Variants in ZFYVE9 observed in about 807,000 individuals in gnomAD.
ZFYVE9 encodes zinc finger FYVE domain-containing protein 9.
ZFYVE9 carries 43 observed loss-of-function variants against 126.7 expected under a neutral mutation model. The ratio of observed to expected loss-of-function variants is 0.34; its 90% confidence interval spans 0.27 to 0.44. ZFYVE9 has a LOEUF of 0.44. ZFYVE9 is among the 20% of genes least tolerant of loss of function. The pLI, the probability that ZFYVE9 is intolerant of heterozygous loss-of-function variation, is 1.00. For missense variants in ZFYVE9, 1,476 were observed against 1,697.0 expected (o/e 0.87, Z 2.29); for synonymous variants, 521 against 597.4 (o/e 0.87, Z 1.87).
chr1:52,211,703 A>G (rs1352407164), intron 1 of ZFYVE9, among the ~76,000 whole-genome samples: 1 of 152,208 alleles, frequency 6.6e-6, no homozygotes, highest in South Asian at 2.1e-4. Context: ...TAAGAGTTTG[A>G]TTACTGGTCA....
chr1:52,293,675 G>A lies in ZFYVE9; in HGVS notation c.3248G>A (p.Arg1083Gln), dbSNP rs375050885. Residue 1083 changes from arginine (R) to glutamine (Q), a missense_variant and splice_region_variant, in exon 11 of 19, where the codon CGA (arginine) becomes CAA (glutamine). Around this residue, in one of 2 missense-constraint regions of ZFYVE9, gnomAD observed 669 missense variants for 902.4 expected, o/e 0.74. Transcript: ENST00000287727. ...ATGTTGAGACTTGGAGCTGAATATC[G>A]ACGTAAGTAGTAAAAACACGTTTTT... ...RLMLRLGAEY[R>Q]LYPCPLFSVR... The A allele has an allele frequency of 1.4e-5, 23 of 1,613,132 alleles. No homozygotes were observed. Among genetic ancestry groups the A allele is most frequent in the Non-Finnish European group, 1.9e-5 (22 of 1,179,498 alleles).
chr1:52,281,896 T>A, intron 10 of ZFYVE9, 80 bp downstream of exon 10: 3 of 1,532,626 alleles, frequency 2.0e-6, no homozygotes, highest in Non-Finnish European at 2.7e-6. Context: ...ATAATAGTCT[T>A]AACTTTGGAC....
chr1:52,345,302 A>G (rs938353632), intron 18 of ZFYVE9, among the ~76,000 whole-genome samples: 1 of 152,082 alleles, frequency 6.6e-6, no homozygotes, highest in African/African-American at 2.4e-5. Context: ...GTCACTTGGA[A>G]CTTGGGTGTA....
chr1:52,246,533 G>T (rs1645385704), intron 4 of ZFYVE9, among the ~76,000 whole-genome samples: 2 of 138,564 alleles, frequency 1.4e-5, no homozygotes. Context: ...TTTTTTTCCT[G>T]GGTTTTTTTT....
chr1:52,309,940 G>A (rs1414564386), intron 13 of ZFYVE9, among the ~76,000 whole-genome samples: 1 of 152,122 alleles, frequency 6.6e-6, no homozygotes, highest in East Asian at 1.9e-4. Context: ...AAAGATCCTT[G>A]TTGGTTAAGG....
At chr1:52,321,284 T>C (rs1332697238) in intron 13 of ZFYVE9, among the ~76,000 whole-genome samples, 2 of 152,216 alleles carry the variant, frequency 1.3e-5, no homozygotes, top group African/African-American at 2.4e-5. Context: ...CAGATGGCGC[T>C]AAAATCTGTT....
chr1:52,337,873 G>C lies in ZFYVE9; in HGVS notation c.3772G>C (p.Glu1258Gln), dbSNP rs1190919131. ...CATCACCTGTGGGAAGGCGGACGCGGAGGAACCCCAGGAGCACATCCACAT... is the reference window on the plus strand; with the variant it reads ...CATCACCTGTGGGAAGGCGGACGCGCAGGAACCCCAGGAGCACATCCACAT... ...FTITCGKADAEEPQEHIHIQW... is the reference protein window; with the variant it reads ...FTITCGKADAQEPQEHIHIQW... The change falls in exon 16 of 19, where the codon GAG becomes CAG. Residue 1258 changes from glutamate to glutamine, a missense_variant. Coordinates refer to ENST00000287727, the MANE Select transcript of ZFYVE9 (RefSeq NM_004799.4). 2 of 1,614,220 alleles carry C rather than the reference G, an allele frequency of 1.2e-6. No homozygotes were observed. Among genetic ancestry groups the C allele is most frequent in the Non-Finnish European group, 1.7e-6 (2 of 1,180,040 alleles).
rs1381017904 is a variant in ZFYVE9, at chr1:52,237,707, A to G, written c.290A>G (p.Asn97Ser). Residue 97 changes from asparagine to serine, a missense_variant, in exon 4 of 19, where the codon AAT becomes AGT. Coordinates refer to ENST00000287727, the MANE Select transcript of ZFYVE9 (RefSeq NM_004799.4). Reference sequence around the variant, plus strand: ...GCTAATGGACAGGACTGTAATCTAAATCCAGAGATTGCCACAATGTGGATT... The same window carrying G: ...GCTAATGGACAGGACTGTAATCTAAGTCCAGAGATTGCCACAATGTGGATT... Reference protein sequence around the residue: ...HCANGQDCNLNPEIATMWIDE... With the variant: ...HCANGQDCNLSPEIATMWIDE... 1.2e-6 allele frequency: 2 copies of G among 1,614,110 alleles called. No homozygotes were observed. The highest frequency in any genetic ancestry group is 1.7e-6 in the Non-Finnish European group (2 of 1,179,974).
chr1:52,209,716 G>A (rs771772672), intron 1 of ZFYVE9, among the ~76,000 whole-genome samples: 2 of 152,166 alleles, frequency 1.3e-5, no homozygotes, highest in Non-Finnish European at 2.9e-5. Flanking sequence ...TTGAGGGTTT[G>A]TGTTGATCAA....
intron 13 of ZFYVE9, among the ~76,000 whole-genome samples, chr1:52,313,349 A>G (rs1646155212): frequency 6.6e-6 from 1 of 152,206 alleles, no homozygotes; most frequent in Non-Finnish European, 1.5e-5. Flanking sequence ...TACTGCCTGT[A>G]GTTTTCAGGC....
chr1:52,343,318 C>T (rs897502611), intron 17 of ZFYVE9, among the ~76,000 whole-genome samples: 2 of 151,894 alleles, frequency 1.3e-5, no homozygotes, highest in Non-Finnish European at 2.9e-5. Context: ...TGGTGGCAGG[C>T]TCCTGTAATC....
At chr1:52,151,170 G>C (rs1443556853) in intron 1 of ZFYVE9, among the ~76,000 whole-genome samples, 1 of 151,956 alleles carries the variant, frequency 6.6e-6, no homozygotes, top group African/African-American at 2.4e-5. Context: ...TTTGCATCCT[G>C]TTCTTCCAAG....
chr1:52,155,181 T>C (rs1442693214), intron 1 of ZFYVE9, among the ~76,000 whole-genome samples: 2 of 152,152 alleles, frequency 1.3e-5, no homozygotes, highest in East Asian at 1.9e-4. Flanking sequence ...GATGAAGCAT[T>C]GTATCTCTTA....
chr1:52,270,553 C>T (rs1318503799), intron 7 of ZFYVE9, among the ~76,000 whole-genome samples: 4 of 152,096 alleles, frequency 2.6e-5, no homozygotes, highest in South Asian at 2.1e-4. Context: ...CGTAAGCCAC[C>T]GCGCCTGGCC....
intron 13 of ZFYVE9, among the ~76,000 whole-genome samples, chr1:52,321,340 A>C (rs1646238075): frequency 6.6e-6 from 1 of 152,196 alleles, no homozygotes; most frequent in Non-Finnish European, 1.5e-5. Context: ...CATTTCTTTT[A>C]GGGAATTAGG....
intron 4 of ZFYVE9, among the ~76,000 whole-genome samples, chr1:52,245,154 A>T (rs961552928): frequency 1.3e-5 from 2 of 148,926 alleles, no homozygotes; most frequent in African/African-American, 2.5e-5. Context: ...ACAGAGAGAG[A>T]CTCTGTCTCA....
chr1:52,323,634 C>G (rs1646262018), intron 13 of ZFYVE9, among the ~76,000 whole-genome samples: 1 of 152,012 alleles, frequency 6.6e-6, no homozygotes, highest in Non-Finnish European at 1.5e-5. Flanking sequence ...GGCCAGAGGG[C>G]CAGGCACTTT....
intron 13 of ZFYVE9, among the ~76,000 whole-genome samples, chr1:52,304,176 G>C (rs1395755772): frequency 3.9e-5 from 6 of 152,036 alleles, no homozygotes; most frequent in Non-Finnish European, 7.4e-5. Context: ...TTTGCATTTT[G>C]ATTAGGTCAT....
Position 52,346,416 on chromosome 1 carries a change from T to G in ZFYVE9, c.*195T>G, listed in dbSNP as rs2147882472. The G allele has an allele frequency of 3.7e-6, 2 of 546,300 alleles. No individual in the cohort carries two copies. The highest frequency in any genetic ancestry group is 3.4e-5 in the Admixed American group (1 of 29,232). The allele number at this position is 546,300 out of a possible 1,614,324, so 33.8% of individuals were successfully genotyped here. ...GACCGATGTTCCATAATTCTAAGTCTTCTATGCATTGTCCACCAAGAAGAT... is the reference window on the plus strand; with the variant it reads ...GACCGATGTTCCATAATTCTAAGTCGTCTATGCATTGTCCACCAAGAAGAT... On this transcript the variant is annotated 3_prime_UTR_variant, in exon 19 of 19. Coordinates refer to ENST00000287727, the MANE Select transcript of ZFYVE9 (RefSeq NM_004799.4).
Sources: gnomAD v4.1 joint callset for allele counts (sites outside exome capture counted in the v4.1 genomes callset) on GRCh38, gnomAD v4.1.1 for gene constraint, gnomAD v4.1.1 regional missense constraint, MANE v1.5 for transcripts, NCBI Gene and HGNC (gene_info 2026-07-23, HGNC 2026-07-21) for gene names.